The following NR2F1-AS1 variants were observed in gnomAD, a reference collection of about 807,000 sequenced individuals.
NR2F1-AS1 encodes NR2F1 regulatory antisense RNA 1.
At chr5:93,534,458 T>C (rs576339829) in intron 4 of NR2F1-AS1, among the ~76,000 whole-genome samples, 36 of 152,294 alleles carry the variant, frequency 2.4e-4, no homozygotes, top group African/African-American at 8.2e-4. Context: ...AGAACTCCAA[T>C]AAGAATTAGA....
chr5:93,464,130 G>T (rs983801325), intron 4 of NR2F1-AS1, among the ~76,000 whole-genome samples: 10 of 152,132 alleles, frequency 6.6e-5, no homozygotes, highest in Non-Finnish European at 1.3e-4. Context: ...ACATATCATG[G>T]GAGGAACCTG....
intron 4 of NR2F1-AS1, among the ~76,000 whole-genome samples, chr5:93,494,957 A>G (rs183772484): frequency 2.4e-3 from 367 of 152,288 alleles, no homozygotes; most frequent in African/African-American, 7.0e-3. Flanking sequence ...CACATATTGT[A>G]TGGTTCCATT....
intron 4 of NR2F1-AS1, among the ~76,000 whole-genome samples, chr5:93,500,765 G>C (rs1751061559): frequency 1.3e-5 from 2 of 152,020 alleles, no homozygotes; most frequent in Non-Finnish European, 1.5e-5. Context: ...AAAGCCTCCT[G>C]AGTAGCTGGG....
At chr5:93,545,051 A>T (rs1250408646) in intron 4 of NR2F1-AS1, 2 of 152,236 alleles carry the variant, frequency 1.3e-5, no homozygotes, top group Non-Finnish European at 2.9e-5. Context: ...AAAAGTATAC[A>T]TGAAGAGATG....
At chr5:93,432,805 C>T (rs1749353543) in intron 4 of NR2F1-AS1, among the ~76,000 whole-genome samples, 1 of 152,160 alleles carries the variant, frequency 6.6e-6, no homozygotes, top group African/African-American at 2.4e-5. Flanking sequence ...ACCATGCCCA[C>T]AAAGGTTGAA....
intron 1 of NR2F1-AS1, among the ~76,000 whole-genome samples, chr5:93,567,356 A>G (rs1752642814): frequency 6.6e-6 from 1 of 152,170 alleles, no homozygotes; most frequent in Non-Finnish European, 1.5e-5. Flanking sequence ...GAAATTTTCA[A>G]TTACAAATAT....
chr5:93,484,281 A>T (rs910210302), intron 4 of NR2F1-AS1, among the ~76,000 whole-genome samples: 1 of 152,186 alleles, frequency 6.6e-6, no homozygotes, highest in Non-Finnish European at 1.5e-5. Context: ...GCCAGAAGAG[A>T]GTGGGGGCCA....
chr5:93,410,641 A>G (rs74336174), intron 4 of NR2F1-AS1: 1 of 152,260 alleles, frequency 6.6e-6, no homozygotes, highest in East Asian at 1.9e-4. Context: ...CACCATCCAC[A>G]GAAAAATTGT....
chr5:93,569,545 G>A (rs1334528900), intron 1 of NR2F1-AS1, among the ~76,000 whole-genome samples: 2 of 152,160 alleles, frequency 1.3e-5, no homozygotes, highest in African/African-American at 4.8e-5. Flanking sequence ...TATGCTAATT[G>A]GTGAACCTAA....
intron 4 of NR2F1-AS1, among the ~76,000 whole-genome samples, chr5:93,488,963 C>A (rs1278233038): frequency 2.0e-5 from 3 of 152,088 alleles, no homozygotes; most frequent in African/African-American, 7.2e-5. Flanking sequence ...ATGGATGATG[C>A]TGGAAACCAT....
chr5:93,458,728 G>C (rs1424312920), intron 4 of NR2F1-AS1, among the ~76,000 whole-genome samples: 1 of 152,126 alleles, frequency 6.6e-6, no homozygotes, highest in African/African-American at 2.4e-5. Flanking sequence ...CAAAAGCACA[G>C]GCCGGGCGCA....
Position 93,557,577 on chromosome 5 carries a change from TA to T in NR2F1-AS1, n.414-2583del, listed in dbSNP as rs879315110. ...CCTTAATTTTAAAATACTTTATTGCTAAAAAAAAAAATGTGAATGATCATCT... is the reference window on the plus strand; with the variant it reads ...CCTTAATTTTAAAATACTTTATTGCTAAAAAAAAAATGTGAATGATCATCT... On this transcript the variant is annotated intron_variant and non_coding_transcript_variant, in intron 2 of 5. Transcript: ENST00000660523. 4.8e-3 allele frequency among the ~76,000 whole-genome samples: 699 copies of T among 147,150 alleles called. 2 individuals carry two copies. The highest frequency in any genetic ancestry group is 8.4e-3 in the African/African-American group (342 of 40,490).
chr5:93,554,339 T>C (rs1752300210), intron 3 of NR2F1-AS1, among the ~76,000 whole-genome samples: 1 of 152,198 alleles, frequency 6.6e-6, no homozygotes, highest in African/African-American at 2.4e-5. Context: ...TTTCCTAGAA[T>C]TCTGAAAAAC....
At chr5:93,581,668 GTCTCTCTCTCTCTCTCTCTCTC>G (rs1232503527), upstream of NR2F1-AS1, among the ~76,000 whole-genome samples, 1 of 32,104 alleles carries the variant, frequency 3.1e-5, no homozygotes, top group Non-Finnish European at 6.8e-5. Flanking sequence ...CGGGGTCTCG[GTCTCTCTCTCTCTCTCTCTCTC>G]TCTCTCTCTC....
intron 4 of NR2F1-AS1, among the ~76,000 whole-genome samples, chr5:93,539,859 C>G (rs879301972): frequency 6.6e-6 from 1 of 151,760 alleles, no homozygotes; most frequent in Admixed American, 6.6e-5. Flanking sequence ...CATATTGTAC[C>G]CCATAAACAT....
intron 4 of NR2F1-AS1, among the ~76,000 whole-genome samples, chr5:93,453,516 A>G (rs1189016243): frequency 1.3e-5 from 2 of 152,148 alleles, no homozygotes; most frequent in Admixed American, 1.3e-4. Flanking sequence ...CATAATAATA[A>G]TATCATAACA....
intron 4 of NR2F1-AS1, among the ~76,000 whole-genome samples, chr5:93,507,554 T>C (rs1295019444): frequency 3.3e-5 from 5 of 151,940 alleles, no homozygotes; most frequent in African/African-American, 1.2e-4. Context: ...CACGAGGTTT[T>C]ACCATGTTGG....
In NR2F1-AS1 at chr5:93,502,281, A is replaced by C. The variant is rs745621498; in HGVS notation, n.638+51480T>G. ...ATCTCTGAGGTATGTCTGTAAACAC[A>C]TTTGATCTACTTGCAACATGACAGT... is the stretch of plus-strand genomic sequence containing the variant. On this transcript the variant is annotated intron_variant and non_coding_transcript_variant, in intron 4 of 5. Coordinates refer to ENST00000660523, the Ensembl canonical transcript of NR2F1-AS1. Among the ~76,000 whole-genome samples, 4 of 152,260 alleles carry C rather than the reference A, an allele frequency of 2.6e-5. No individual in the cohort carries two copies. In the East Asian group the frequency reaches 5.8e-4, roughly 22 times the overall value.
intron 1 of NR2F1-AS1, among the ~76,000 whole-genome samples, chr5:93,567,166 T>G (rs573738544): frequency 6.6e-6 from 1 of 152,120 alleles, no homozygotes; most frequent in African/African-American, 2.4e-5. Flanking sequence ...TGTTGATATG[T>G]TATTTGATCC....
Sources: allele counts gnomAD v4.1 joint callset (sites outside exome capture counted in the v4.1 genomes callset), GRCh38; gene constraint gnomAD v4.1.1; transcripts MANE v1.5; gene names NCBI Gene and HGNC (gene_info 2026-07-23, HGNC 2026-07-21).